GPC5: variants seen among roughly 807,000 people sequenced by gnomAD.
GPC5 encodes the protein glypican 5.
GPC5 carries 47 observed loss-of-function variants against 53.9 expected under a neutral mutation model. The observed-to-expected ratio is 0.87, with a 90% CI of 0.69 to 1.11. The LOEUF (loss-of-function observed/expected upper bound fraction) is 1.11. Among genes scored for constraint, GPC5 ranks in the 50% most tolerant of loss-of-function variants. The pLI is 0.00. For synonymous variants in GPC5, 286 were observed against 263.3 expected (o/e 1.09, Z -0.84); for missense variants, 748 against 713.1 (o/e 1.05, Z -0.56).
intron 4 of GPC5, among the ~76,000 whole-genome samples, chr13:91,750,773 C>T (rs924811172): frequency 2.0e-5 from 3 of 150,934 alleles, no homozygotes; most frequent in African/African-American, 4.9e-5. Context: ...CTCTGCCTCC[C>T]GGCCTCAGCC....
chr13:92,542,537 A>T (rs997657229), intron 7 of GPC5, among the ~76,000 whole-genome samples: 12 of 151,784 alleles, frequency 7.9e-5, no homozygotes, highest in African/African-American at 2.9e-4. Context: ...ATAAGTTTTG[A>T]TTACTTTGTT....
chr13:92,715,381 AT>A (rs558678337), intron 7 of GPC5, among the ~76,000 whole-genome samples: 24 of 152,270 alleles, frequency 1.6e-4, no homozygotes, highest in Middle Eastern at 3.4e-3. Context: ...ATTTCCTCCT[AT>A]TTCTCCCTTT....
At chr13:91,563,972 G>C (rs2031409186) in intron 2 of GPC5, among the ~76,000 whole-genome samples, 1 of 152,120 alleles carries the variant, frequency 6.6e-6, no homozygotes, top group Non-Finnish European at 1.5e-5. Flanking sequence ...TTGGAAGTGA[G>C]TGTTTCGCCT....
chr13:91,637,313 T>C (rs962613875), intron 2 of GPC5, among the ~76,000 whole-genome samples: 16 of 152,222 alleles, frequency 1.1e-4, no homozygotes, highest in African/African-American at 3.1e-4. Context: ...TGTGGTCAGG[T>C]TCAAATATCT....
intron 7 of GPC5, among the ~76,000 whole-genome samples, chr13:92,522,053 C>A (rs1881074917): frequency 6.6e-6 from 1 of 152,022 alleles, no homozygotes; most frequent in African/African-American, 2.4e-5. Flanking sequence ...AAATGCAAAT[C>A]AAAACTACAA....
intron 7 of GPC5, among the ~76,000 whole-genome samples, chr13:92,227,815 A>G (rs1324785737): frequency 6.6e-6 from 1 of 152,110 alleles, no homozygotes; most frequent in Non-Finnish European, 1.5e-5. Flanking sequence ...ATGTTTTCAC[A>G]CAGTGGTACA....
intron 6 of GPC5, among the ~76,000 whole-genome samples, chr13:92,136,962 A>G (rs979861947): frequency 1.2e-4 from 19 of 152,200 alleles, no homozygotes; most frequent in Admixed American, 5.2e-4. Context: ...CCAACTAAAC[A>G]TAAGCAGGAA....
intron 6 of GPC5, among the ~76,000 whole-genome samples, chr13:91,972,479 A>G (rs1329766867): frequency 6.6e-6 from 1 of 152,108 alleles, no homozygotes; most frequent in Non-Finnish European, 1.5e-5. Context: ...TAAAGTTAAT[A>G]TTGTTATGTG....
At chr13:91,968,605 G>A (rs1216477813) in intron 6 of GPC5, among the ~76,000 whole-genome samples, 1 of 151,960 alleles carries the variant, frequency 6.6e-6, no homozygotes, top group East Asian at 1.9e-4. Flanking sequence ...GGGACTACAG[G>A]CATGTGCCAC....
At chr13:92,276,069 G>A (rs1311838267) in intron 7 of GPC5, among the ~76,000 whole-genome samples, 1 of 152,108 alleles carries the variant, frequency 6.6e-6, no homozygotes, top group Admixed American at 6.6e-5. Context: ...CTGTCAACTT[G>A]ATTGGGAAGA....
chr13:92,145,011 C>G (rs2041857205), intron 7 of GPC5, 22 bp downstream of exon 7: 4 of 1,343,566 alleles, frequency 3.0e-6, no homozygotes, highest in Admixed American at 2.9e-5. Flanking sequence ...ATTCTAACAC[C>G]ACTTTTTTAA....
At chr13:92,724,903 C>CAG (rs1555306844) in intron 7 of GPC5, among the ~76,000 whole-genome samples, 4 of 149,936 alleles carry the variant, frequency 2.7e-5, no homozygotes, top group African/African-American at 9.8e-5. Context: ...CACACACACA[C>CAG]ACACACACAA....
At chr13:92,410,693 T>C (rs1027967105) in intron 7 of GPC5, among the ~76,000 whole-genome samples, 2 of 152,208 alleles carry the variant, frequency 1.3e-5, no homozygotes, top group African/African-American at 4.8e-5. Flanking sequence ...TTGTTGCATA[T>C]AATATAAAAC....
chr13:91,822,413 T>C (rs2038510344), intron 5 of GPC5, among the ~76,000 whole-genome samples: 1 of 152,216 alleles, frequency 6.6e-6, no homozygotes, highest in Non-Finnish European at 1.5e-5. Flanking sequence ...CAGGATGAGA[T>C]AAGAAATAAC....
chr13:92,245,536 T>C (rs1222682306), intron 7 of GPC5, among the ~76,000 whole-genome samples: 1 of 152,172 alleles, frequency 6.6e-6, no homozygotes, highest in Non-Finnish European at 1.5e-5. Context: ...GAATGAATGA[T>C]TAAATAAACA....
chr13:92,166,303 A>G (rs967320321), intron 7 of GPC5, among the ~76,000 whole-genome samples: 2 of 152,194 alleles, frequency 1.3e-5, no homozygotes, highest in African/African-American at 4.8e-5. Context: ...AAGACCTCTA[A>G]TTGCAGTTCT....
chr13:91,789,975 G>A (rs1395062639), intron 5 of GPC5, among the ~76,000 whole-genome samples: 3 of 152,078 alleles, frequency 2.0e-5, no homozygotes, highest in Non-Finnish European at 4.4e-5. Flanking sequence ...TATTTTGGGG[G>A]AACTAATCTA....
At position 92,324,881 on chromosome 13, in the gene GPC5, T is replaced by C. The variant is rs186801955; in HGVS notation, c.1561+179892T>C. On this transcript the variant is annotated intron_variant, in intron 7 of 7. Coordinates refer to ENST00000377067, the MANE Select transcript of GPC5 (RefSeq NM_004466.6). ...ACCAAGATCAGTTTTAGAGTCATTC[T>C]TGAAATAGTTTATCATTATCTTGGC... Among the ~76,000 whole-genome samples, 46 of 152,084 alleles carry C rather than the reference T, an allele frequency of 3.0e-4. No individual in the cohort carries two copies. The East Asian group carries it at 7.3e-3, about 24-fold the overall frequency.
intron 6 of GPC5, among the ~76,000 whole-genome samples, chr13:92,043,801 G>C (rs2040960280): frequency 6.6e-6 from 1 of 152,182 alleles, no homozygotes; most frequent in African/African-American, 2.4e-5. Flanking sequence ...TTAATTGATA[G>C]GGTAGGAGTG....
Sources: allele counts gnomAD v4.1 joint callset (sites outside exome capture counted in the v4.1 genomes callset), GRCh38; gene constraint gnomAD v4.1.1; transcripts MANE v1.5; gene names NCBI Gene and HGNC (gene_info 2026-07-23, HGNC 2026-07-21).